RBMS3: variants seen among roughly 807,000 people sequenced by gnomAD.
RBMS3 encodes RNA-binding motif, single-stranded-interacting protein 3.
In RBMS3, 27 loss-of-function variants were observed where a neutral mutation model predicts 66.8. That is an observed-to-expected ratio of 0.40 (90% CI 0.30 to 0.56). The LOEUF is 0.56. Among genes scored for constraint, RBMS3 ranks in the 20% least tolerant of loss-of-function variants. The pLI is 0.40. For missense variants in RBMS3, 513 were observed against 549.5 expected, an observed-to-expected ratio of 0.93 and a Z score of 0.66; for synonymous variants, 188 against 183.0, an observed-to-expected ratio of 1.03 and a Z score of -0.22.
At chr3:29,370,831 G>A (rs980252354) in intron 1 of RBMS3, among the ~76,000 whole-genome samples, 6 of 152,206 alleles carry the variant, frequency 3.9e-5, no homozygotes, top group South Asian at 4.1e-4. Context: ...TTAGAATTCA[G>A]TCTGGGCTGG....
At chr3:29,929,337 G>A (rs377360160) in intron 10 of RBMS3, among the ~76,000 whole-genome samples, 20 of 152,162 alleles carry the variant, frequency 1.3e-4, no homozygotes, top group East Asian at 5.8e-4. Flanking sequence ...AGGCACAAAC[G>A]TCTAAAGGAT....
At chr3:29,468,557 G>C (rs2125792652) in intron 2 of RBMS3, among the ~76,000 whole-genome samples, 1 of 152,234 alleles carries the variant, frequency 6.6e-6, no homozygotes, top group African/African-American at 2.4e-5. Context: ...TAATCTTTGA[G>C]AAATAACTTA....
Position 29,757,528 on chromosome 3 carries a change from G to A in RBMS3, c.558-5382G>A, listed in dbSNP as rs542148080. 1.3e-4 allele frequency among the ~76,000 whole-genome samples: 20 copies of A among 152,276 alleles called. No homozygotes were observed. The East Asian group carries it at 3.9e-3, about 29-fold the overall frequency. ...GGAACAGGAGTTTTCAACCCTGGCTGCACACTGAAATCACCTGGGTAGCTT... is the reference window on the plus strand; with the variant it reads ...GGAACAGGAGTTTTCAACCCTGGCTACACACTGAAATCACCTGGGTAGCTT... On this transcript the variant is annotated intron_variant, in intron 5 of 14. Transcript: ENST00000383767.
At chr3:29,372,067 A>G (rs536048802) in intron 1 of RBMS3, among the ~76,000 whole-genome samples, 2 of 152,332 alleles carry the variant, frequency 1.3e-5, no homozygotes, top group South Asian at 2.1e-4. Context: ...TAGGGGGAAG[A>G]GGAAGACACC....
At chr3:29,458,048 T>C (rs1249437929) in intron 2 of RBMS3, among the ~76,000 whole-genome samples, 1 of 152,200 alleles carries the variant, frequency 6.6e-6, no homozygotes, top group Non-Finnish European at 1.5e-5. Flanking sequence ...TTTGATCAGA[T>C]AGCCTTCTGA....
At chr3:29,378,943 T>C (rs1054685913) in intron 1 of RBMS3, among the ~76,000 whole-genome samples, 7 of 152,210 alleles carry the variant, frequency 4.6e-5, no homozygotes, top group Non-Finnish European at 7.3e-5. Context: ...TCATTTGATT[T>C]CTATAACCTT....
intron 1 of RBMS3, among the ~76,000 whole-genome samples, chr3:29,368,582 C>G (rs552447585): frequency 6.6e-6 from 1 of 151,728 alleles, no homozygotes; most frequent in Non-Finnish European, 1.5e-5. Flanking sequence ...AAAAGGTCTT[C>G]ACTTTCAGTT....
At chr3:29,475,241 C>A (rs556495856) in intron 2 of RBMS3, among the ~76,000 whole-genome samples, 14 of 149,992 alleles carry the variant, frequency 9.3e-5, no homozygotes, top group African/African-American at 3.4e-4. Flanking sequence ...TAATAAGTTT[C>A]TTTTCTTTTC....
intron 1 of RBMS3, among the ~76,000 whole-genome samples, chr3:29,354,604 T>C (rs1279437865): frequency 6.6e-6 from 1 of 152,174 alleles, no homozygotes; most frequent in Admixed American, 6.6e-5. Context: ...CACACAAGTA[T>C]GTATACATGG....
intron 1 of RBMS3, among the ~76,000 whole-genome samples, chr3:29,392,236 G>T (rs6549935): frequency 0.82 from 124,268 of 152,084 alleles, 51,378 homozygotes; most frequent in East Asian, 0.97. Context: ...GGCAACAGAG[G>T]GAGTCCCTGT....
intron 3 of RBMS3, among the ~76,000 whole-genome samples, chr3:29,533,780 A>G (rs932178595): frequency 9.3e-5 from 14 of 150,644 alleles, no homozygotes; most frequent in African/African-American, 2.7e-4. Context: ...CCGTCTCTAA[A>G]TAAATAAATA....
intron 3 of RBMS3, among the ~76,000 whole-genome samples, chr3:29,575,520 G>C (rs1344799841): frequency 1.3e-5 from 2 of 151,956 alleles, no homozygotes; most frequent in African/African-American, 4.8e-5. Flanking sequence ...TAACTTTCTT[G>C]TGCTTGAATG....
intron 3 of RBMS3, among the ~76,000 whole-genome samples, chr3:29,498,897 A>G (rs2043861174): frequency 6.6e-6 from 1 of 152,178 alleles, no homozygotes; most frequent in African/African-American, 2.4e-5. Flanking sequence ...GTGTTTATTG[A>G]GATTAGCTTC....
intron 3 of RBMS3, among the ~76,000 whole-genome samples, chr3:29,513,175 T>C (rs1425690081): frequency 2.6e-5 from 4 of 152,156 alleles, no homozygotes; most frequent in Admixed American, 6.5e-5. Context: ...AGTCTGAACC[T>C]TAGAAAGGTG....
At chr3:29,719,699 C>T (rs577105217) in intron 4 of RBMS3, among the ~76,000 whole-genome samples, 31 of 152,224 alleles carry the variant, frequency 2.0e-4, no homozygotes, top group East Asian at 9.7e-4. Flanking sequence ...TGGGCCAGGA[C>T]GCAAAAGTCA....
intron 1 of RBMS3, among the ~76,000 whole-genome samples, chr3:29,321,035 T>G (rs2125490427): frequency 6.6e-6 from 1 of 152,172 alleles, no homozygotes; most frequent in South Asian, 2.1e-4. Context: ...TATCATATAC[T>G]TAGCCAATGA....
At chr3:29,876,420 A>T (rs2059612664) in intron 7 of RBMS3, among the ~76,000 whole-genome samples, 1 of 152,232 alleles carries the variant, frequency 6.6e-6, no homozygotes, top group Non-Finnish European at 1.5e-5. Flanking sequence ...AAAAATTAAA[A>T]GTTCAAATTC....
chr3:30,009,861 T>A lies in RBMS3; in HGVS notation c.*5999T>A, dbSNP rs1699912599. 1 of 152,108 alleles carries A rather than the reference T, an allele frequency of 6.6e-6. No individual in the cohort carries two copies. Among genetic ancestry groups the A allele is most frequent in the Non-Finnish European group, 1.5e-5 (1 of 68,008 alleles). The allele number at this position is 152,108 out of a possible 1,614,324, so 9.4% of individuals were successfully genotyped here. ...TATTGAGAAAGATGTTTTTTCCTCC[T>A]CCCTCAAATATGTTATCTCTTCATA... On this transcript the variant is annotated 3_prime_UTR_variant, in exon 15 of 15. Transcript: ENST00000383767.
At chr3:29,657,720 A>C (rs929599114) in intron 4 of RBMS3, among the ~76,000 whole-genome samples, 2 of 152,206 alleles carry the variant, frequency 1.3e-5, no homozygotes, top group Admixed American at 6.5e-5. Context: ...TAGTGTAGGC[A>C]GTCAATACTA....
Sources: gnomAD v4.1 joint callset for allele counts (sites outside exome capture counted in the v4.1 genomes callset) on GRCh38, gnomAD v4.1.1 for gene constraint, MANE v1.5 for transcripts, NCBI Gene and HGNC (gene_info 2026-07-23, HGNC 2026-07-21) for gene names.